Variants in SPINK1 observed in about 807,000 individuals in gnomAD.
The protein encoded by SPINK1 is serine peptidase inhibitor Kazal type 1.
SPINK1 carries 5 observed loss-of-function variants against 9.5 expected under a neutral mutation model. That is an observed-to-expected ratio of 0.52 (90% CI 0.27 to 1.10). The LOEUF is 1.10. Ranked by LOEUF, SPINK1 falls within the 50% of genes least tolerant of loss-of-function variation. SPINK1 has a pLI of 0.11. For missense variants in SPINK1, 88 were observed against 92.7 expected, an observed-to-expected ratio of 0.95 and a Z score of 0.21; for synonymous variants, 37 against 32.3, an observed-to-expected ratio of 1.14 and a Z score of -0.49.
At chr5:147,833,605 C>T (rs1756546349), upstream of SPINK1, among the ~76,000 whole-genome samples, 1 of 152,116 alleles carries the variant, frequency 6.6e-6, no homozygotes, top group Non-Finnish European at 1.5e-5. Flanking sequence ...AACCTCAATC[C>T]TGGACACTTC....
At chr5:147,828,334 A>T (rs1213960911) in intron 2 of SPINK1, among the ~76,000 whole-genome samples, 5 of 152,226 alleles carry the variant, frequency 3.3e-5, no homozygotes, top group Non-Finnish European at 2.9e-5. Flanking sequence ...GTGTGACATT[A>T]GTAAGTCCTA....
intron 3 of SPINK1, 65 bp from the exon 4 acceptor site, chr5:147,824,771 G>GAAAAA: frequency 7.0e-6 from 10 of 1,420,908 alleles, no homozygotes; most frequent in Non-Finnish European, 9.9e-6. Flanking sequence ...GACTATGGGA[G>GAAAAA]AAAAACAGGG....
rs1756364519 is a variant in SPINK1 at position 147,824,608 on chromosome 5, A to T, written c.*53T>A. The T allele has an allele frequency of 3.2e-6, 5 of 1,557,684 alleles. No individual in the cohort carries two copies. Among genetic ancestry groups the T allele is most frequent in the Non-Finnish European group, 4.4e-6 (5 of 1,129,318 alleles). On this transcript the variant is annotated 3_prime_UTR_variant, in exon 4 of 4. Transcript: ENST00000296695. ...GATATTCAGATACATTTATTCAACA[A>T]TAAGGCCAGTCAGGCCTCGCGGTGA...
Position 147,829,593 on chromosome 5 carries a change from C to G in SPINK1, c.87+6G>C, listed in dbSNP as rs1554089890. 4 of 1,612,158 alleles carry G rather than the reference C, an allele frequency of 2.5e-6. No individual in the cohort carries two copies. The highest frequency in any genetic ancestry group is 3.4e-6 in the Non-Finnish European group (4 of 1,178,740). ...GAGAAATAAGAAATTACAAATATCT[C>G]TTTACCTCTCTTCCCAGGGAGTCAG... On this transcript the variant is annotated splice_donor_region_variant and intron_variant, in intron 2 of 3. Transcript: ENST00000296695.
upstream of SPINK1, among the ~76,000 whole-genome samples, chr5:147,832,550 A>G (rs1490417981): frequency 2.0e-5 from 3 of 152,176 alleles, no homozygotes; most frequent in Non-Finnish European, 4.4e-5. Context: ...TAGGGCAAAG[A>G]CCATGTTAAT....
chr5:147,832,518 T>C (rs1756525780), upstream of SPINK1, among the ~76,000 whole-genome samples: 1 of 152,190 alleles, frequency 6.6e-6, no homozygotes, highest in South Asian at 2.1e-4. Flanking sequence ...CTGTTTAGTG[T>C]AATAAAGTTA....
chr5:147,828,068 C>T lies in SPINK1; in HGVS notation c.148G>A (p.Asp50Asn), dbSNP rs1200211162. 1 of 1,613,598 alleles carries T rather than the reference C, an allele frequency of 6.2e-7. No homozygotes were observed. Among genetic ancestry groups the T allele is most frequent in the Non-Finnish European group, 8.5e-7 (1 of 1,179,866 alleles). Reference protein sequence around the residue: ...TKIYDPVCGTDGNTYPNECVL... With the variant: ...TKIYDPVCGTNGNTYPNECVL... ...CATTCATTGGGATAAGTATTTCCAT[C>T]AGTCCCACAGACAGGGTCATATATC... Residue 50 changes from aspartate (D) to asparagine (N), a missense_variant, in exon 3 of 4, where the codon GAT becomes AAT. Asp to Asn is a conservative substitution (Grantham distance 23). Coordinates refer to ENST00000296695, the MANE Select transcript of SPINK1 (RefSeq NM_001379610.1).
intron 1 of SPINK1, 95 bp downstream of exon 1, chr5:147,831,428 G>T: frequency 6.7e-7 from 1 of 1,486,554 alleles, no homozygotes; most frequent in Non-Finnish European, 9.3e-7. Context: ...ATCTCTCGAA[G>T]ACTAGACTAC....
chr5:147,824,652 C>A lies in SPINK1; in HGVS notation c.*9G>T. On this transcript the variant is annotated 3_prime_UTR_variant, in exon 4 of 4. Coordinates refer to ENST00000296695, the MANE Select transcript of SPINK1 (RefSeq NM_001379610.1). Reference sequence around the variant, plus strand: ...GCGGTGACCTGATGGGATTTCAAAACCTTGGTTCTCAGCAAGGCCCAGATT... The same window carrying A: ...GCGGTGACCTGATGGGATTTCAAAAACTTGGTTCTCAGCAAGGCCCAGATT... 6.2e-7 allele frequency: 1 copy of A among 1,613,914 alleles called. No individual in the cohort carries two copies. Among genetic ancestry groups the A allele is most frequent in the Non-Finnish European group, 8.5e-7 (1 of 1,179,916 alleles).
At position 147,828,977 on chromosome 5, in the gene SPINK1, C is replaced by T. The variant is rs76608769; in HGVS notation, c.87+622G>A. Reference sequence around the variant, plus strand: ...TTTTCTAACTAGGCTAAGTTCCTAACGGCAGCAGAACTTTTTCATAACACT... The same window carrying T: ...TTTTCTAACTAGGCTAAGTTCCTAATGGCAGCAGAACTTTTTCATAACACT... On this transcript the variant is annotated intron_variant, in intron 2 of 3. Transcript: ENST00000296695. Among the ~76,000 whole-genome samples the T allele has an allele frequency of 7.6e-3, 1,157 of 152,012 alleles. 17 individuals are homozygous for T. The highest frequency in any genetic ancestry group is 0.025 in the African/African-American group (1,044 of 41,420).
the SPINK1 span, among the ~76,000 whole-genome samples, chr5:147,837,501 C>T: frequency 6.6e-6 from 1 of 152,070 alleles, no homozygotes; most frequent in African/African-American, 2.4e-5. Context: ...AGTGCCTGTG[C>T]CTACTTCTAC....
At chr5:147,838,108 C>T in the SPINK1 span, among the ~76,000 whole-genome samples, 1 of 152,142 alleles carries the variant, frequency 6.6e-6, no homozygotes, top group African/African-American at 2.4e-5. Flanking sequence ...ACTGATAGAC[C>T]TCTAAGTCTC....
At chr5:147,830,928 T>TA (rs1247563773) in intron 1 of SPINK1, among the ~76,000 whole-genome samples, 11 of 152,264 alleles carry the variant, frequency 7.2e-5, no homozygotes, top group African/African-American at 2.6e-4. Flanking sequence ...TCAAAATGTG[T>TA]AATGTAAATA....
At chr5:147,834,204 C>T (rs1756556706), upstream of SPINK1, among the ~76,000 whole-genome samples, 1 of 152,088 alleles carries the variant, frequency 6.6e-6, no homozygotes, top group Non-Finnish European at 1.5e-5. Flanking sequence ...AACAAAGTGT[C>T]TGGAAAATAG....
chr5:147,836,212 C>T (rs573242298), upstream of SPINK1, among the ~76,000 whole-genome samples: 3 of 151,920 alleles, frequency 2.0e-5, no homozygotes, highest in African/African-American at 7.2e-5. Flanking sequence ...TGTTATTTCT[C>T]TTTTATAAGA....
At chr5:147,831,917 C>T (rs1756516444), upstream of SPINK1, 4 of 837,940 alleles carry the variant, frequency 4.8e-6, no homozygotes, top group Non-Finnish European at 6.4e-6. Context: ...GTTTTCTCAC[C>T]TGTAAGATGA....
chr5:147,824,783 G>A, intron 3 of SPINK1, 77 bp from the exon 4 acceptor site: 2 of 1,298,848 alleles, frequency 1.5e-6, no homozygotes, highest in African/African-American at 1.5e-5. Flanking sequence ...AAAACAGGGG[G>A]AAAAATAACA....
intron 3 of SPINK1, 109 bp from the exon 4 acceptor site, chr5:147,824,815 G>A: frequency 1.0e-6 from 1 of 959,480 alleles, no homozygotes; most frequent in Non-Finnish European, 1.6e-6. Flanking sequence ...AGTTGGAGAG[G>A]TTTGAGATTT....
the SPINK1 span, among the ~76,000 whole-genome samples, chr5:147,838,455 C>G: frequency 6.6e-6 from 1 of 152,066 alleles, no homozygotes; most frequent in Non-Finnish European, 1.5e-5. Flanking sequence ...TACTCTTAAC[C>G]AAACCTCTTA....
Sources: gnomAD v4.1 joint callset for allele counts (sites outside exome capture counted in the v4.1 genomes callset) on GRCh38, gnomAD v4.1.1 for gene constraint, MANE v1.5 for transcripts, NCBI Gene and HGNC (gene_info 2026-07-23, HGNC 2026-07-21) for gene names.